CAMTA1: variants seen among roughly 807,000 people sequenced by gnomAD.
CAMTA1 encodes calmodulin-binding transcription activator 1.
In CAMTA1, 27 loss-of-function variants were observed where a neutral mutation model predicts 170.9. The ratio of observed to expected loss-of-function variants is 0.16; its 90% CI spans 0.12 to 0.22. The LOEUF (loss-of-function observed/expected upper bound fraction) is 0.22, where lower values mean the gene tolerates loss of function less well. Ranked by LOEUF, CAMTA1 falls within the 10% of genes least tolerant of loss-of-function variation. The pLI is 1.00. For synonymous variants in CAMTA1, 833 were observed against 891.5 expected (o/e 0.93, Z 1.17); for missense variants, 1,619 against 2,217.2 (o/e 0.73, Z 5.42).
At position 6,887,985 on chromosome 1, in the gene CAMTA1, T is replaced by G; in HGVS notation, c.234+62775T>G. 8.5e-7 allele frequency: 1 copy of G among 1,180,700 alleles called. No individual in the cohort carries two copies. Among genetic ancestry groups the G allele is most frequent in the Non-Finnish European group, 1.1e-6 (1 of 947,158 alleles). The allele number at this position is 1,180,700 out of a possible 1,614,324, so 73.1% of individuals were successfully genotyped here. A position where few individuals can be genotyped will look rare whatever the true frequency, so the allele number is the denominator to read the frequency against. ...GCACACGCCTCCTGGTCCAGAGGCC[T>G]CCGTGACCATCCATGATGCCACTCT... On this transcript the variant is annotated intron_variant, in intron 3 of 22. Transcript: ENST00000303635. This position sits in a 1 kb window ranked among gnomAD's most constrained non-coding sequence, Gnocchi z 4.1.
At chr1:7,155,789 A>G (rs1487008245) in intron 4 of CAMTA1, among the ~76,000 whole-genome samples, 3 of 152,076 alleles carry the variant, frequency 2.0e-5, no homozygotes, top group Non-Finnish European at 4.4e-5. Flanking sequence ...TCTATGCCTC[A>G]TGGTTCCACA....
intron 4 of CAMTA1, among the ~76,000 whole-genome samples, chr1:7,198,098 G>C (rs1003232421): frequency 6.6e-6 from 1 of 152,142 alleles, no homozygotes; most frequent in African/African-American, 2.4e-5. Context: ...TCCCCTGCTA[G>C]AACTTACTGA....
intron 6 of CAMTA1, among the ~76,000 whole-genome samples, chr1:7,582,801 A>G (rs1379499493): frequency 6.6e-6 from 1 of 151,852 alleles, no homozygotes; most frequent in Non-Finnish European, 1.5e-5. Context: ...AGTGTCACAC[A>G]GCTGTCCAGG....
intron 5 of CAMTA1, among the ~76,000 whole-genome samples, chr1:7,454,159 T>G (rs1269454286): frequency 6.6e-6 from 1 of 152,206 alleles, no homozygotes; most frequent in Non-Finnish European, 1.5e-5. Flanking sequence ...CTGCCGTTTA[T>G]TTTAAAACAG....
At chr1:7,525,739 C>T (rs1446988545) in intron 6 of CAMTA1, among the ~76,000 whole-genome samples, 1 of 152,188 alleles carries the variant, frequency 6.6e-6, no homozygotes, top group East Asian at 1.9e-4. Flanking sequence ...TCCTCCATCT[C>T]AGGTCACAGC....
chr1:7,717,728 AAAAAAAAT>A (rs1296208864), intron 11 of CAMTA1, among the ~76,000 whole-genome samples: 4 of 151,874 alleles, frequency 2.6e-5, no homozygotes, highest in African/African-American at 4.8e-5. Flanking sequence ...ACCCTGTCTA[AAAAAAAAT>A]AAAAAAATAA....
intron 5 of CAMTA1, among the ~76,000 whole-genome samples, chr1:7,266,583 C>T (rs1194942887): frequency 5.9e-5 from 9 of 152,268 alleles, no homozygotes; most frequent in South Asian, 2.1e-4. Context: ...CTTGTGGGAG[C>T]GGGGAAGAAA....
chr1:7,429,292 C>T (rs754355335), intron 5 of CAMTA1, among the ~76,000 whole-genome samples: 21 of 152,282 alleles, frequency 1.4e-4, no homozygotes, highest in East Asian at 5.8e-4. Context: ...GCATAGTGCA[C>T]GGCATATTTT....
chr1:6,984,811 C>T (rs11120809), intron 3 of CAMTA1, among the ~76,000 whole-genome samples: 23,960 of 152,046 alleles, frequency 0.16, 2,161 homozygotes, highest in African/African-American at 0.25. Flanking sequence ...CGAGTTCAGA[C>T]GCGTCAGGTC....
At chr1:7,746,233 A>G (rs778631090) in intron 18 of CAMTA1, 142 bp downstream of exon 18, 6 of 858,404 alleles carry the variant, frequency 7.0e-6, no homozygotes, top group Non-Finnish European at 1.1e-5. Flanking sequence ...TCTCCAATTT[A>G]TTAAGATTCA....
chr1:7,142,115 G>T (rs1375787488), intron 4 of CAMTA1: 1 of 518,780 alleles, frequency 1.9e-6, no homozygotes, highest in South Asian at 1.4e-5. Flanking sequence ...CTTTGTTGGG[G>T]TGAGTGCCCA....
chr1:7,457,720 C>G (rs1051119490), intron 5 of CAMTA1, among the ~76,000 whole-genome samples: 2 of 152,206 alleles, frequency 1.3e-5, no homozygotes, highest in African/African-American at 4.8e-5. Flanking sequence ...GTCCCTCTCT[C>G]CATGACCCCC....
chr1:7,210,493 G>C (rs1464387186), intron 4 of CAMTA1, among the ~76,000 whole-genome samples: 1 of 152,138 alleles, frequency 6.6e-6, no homozygotes, highest in African/African-American at 2.4e-5. Flanking sequence ...GGTTAGGATG[G>C]TATCTGCTAG....
chr1:7,491,175 A>T (rs535100020), intron 6 of CAMTA1, among the ~76,000 whole-genome samples: 1 of 152,102 alleles, frequency 6.6e-6, no homozygotes, highest in East Asian at 1.9e-4. Flanking sequence ...ACCCTGAGAG[A>T]CCACCCCCGG....
At chr1:7,725,417 C>T (rs534351809) in intron 11 of CAMTA1, among the ~76,000 whole-genome samples, 1 of 152,316 alleles carries the variant, frequency 6.6e-6, no homozygotes, top group Admixed American at 6.5e-5. Context: ...GGTTTTAAAT[C>T]GTTTTCGAGT....
intron 3 of CAMTA1, among the ~76,000 whole-genome samples, chr1:6,938,902 C>T (rs560667645): frequency 1.3e-5 from 2 of 152,332 alleles, no homozygotes; most frequent in East Asian, 1.9e-4. Context: ...ACATTCTCCT[C>T]GCTGCCCTGC....
chr1:7,358,068 A>AG (rs992275518), intron 5 of CAMTA1, among the ~76,000 whole-genome samples: 5 of 151,954 alleles, frequency 3.3e-5, no homozygotes, highest in African/African-American at 4.8e-5. Flanking sequence ...ATCTTTGTGG[A>AG]GGGGGGGAAT....
intron 5 of CAMTA1, among the ~76,000 whole-genome samples, chr1:7,255,063 C>T (rs1342368538): frequency 6.6e-6 from 1 of 152,160 alleles, no homozygotes; most frequent in Non-Finnish European, 1.5e-5. Flanking sequence ...CGCATGTTCT[C>T]ACTCATAAGT....
intron 5 of CAMTA1, among the ~76,000 whole-genome samples, chr1:7,281,029 A>G (rs1671429964): frequency 6.6e-6 from 1 of 152,238 alleles, no homozygotes; most frequent in Non-Finnish European, 1.5e-5. Flanking sequence ...AGAATTAATT[A>G]TTCCATTGAT....
Sources: allele counts gnomAD v4.1 joint callset (sites outside exome capture counted in the v4.1 genomes callset), GRCh38; gene constraint gnomAD v4.1.1; non-coding constraint Gnocchi (gnomAD v3.1); transcripts MANE v1.5; gene names NCBI Gene and HGNC (gene_info 2026-07-23, HGNC 2026-07-21).